Variants in SYNPR observed in about 807,000 individuals in gnomAD.
SYNPR encodes the protein synaptoporin.
Under a neutral mutation model 32.9 loss-of-function variants are expected in SYNPR, and 23 were observed. That is an observed-to-expected ratio of 0.70 (90% confidence interval 0.50 to 0.99). The LOEUF is 0.99. SYNPR is among the 50% of genes least tolerant of loss of function. The pLI, the probability that SYNPR is intolerant of heterozygous loss-of-function variation, is 0.00. For synonymous variants in SYNPR, 146 were observed against 135.9 expected (o/e 1.07, Z -0.52); for missense variants, 318 against 349.3 (o/e 0.91, Z 0.71).
chr3:63,303,413 T>A (rs536808183), intron 2 of SYNPR, among the ~76,000 whole-genome samples: 1 of 151,946 alleles, frequency 6.6e-6, no homozygotes, highest in Non-Finnish European at 1.5e-5. Context: ...CAGGGTATTA[T>A]CTCTAAAATG....
intron 2 of SYNPR, among the ~76,000 whole-genome samples, chr3:63,391,068 A>G (rs1201000306): frequency 6.6e-6 from 1 of 152,182 alleles, no homozygotes; most frequent in African/African-American, 2.4e-5. Context: ...TCATGACTCA[A>G]TTCCTTCTTA....
At chr3:63,501,073 T>A (rs1024309549) in intron 3 of SYNPR, among the ~76,000 whole-genome samples, 19 of 151,280 alleles carry the variant, frequency 1.3e-4, no homozygotes, top group Non-Finnish European at 2.2e-4. Context: ...TAAAAAAAAA[T>A]AGCCATTATT....
intron 2 of SYNPR, among the ~76,000 whole-genome samples, chr3:63,313,610 A>G (rs1374958379): frequency 6.9e-6 from 1 of 143,912 alleles, no homozygotes; most frequent in East Asian, 2.1e-4. Context: ...GTGTGTGTGT[A>G]TACACACACA....
chr3:63,328,924 C>G (rs1272846150), intron 2 of SYNPR, among the ~76,000 whole-genome samples: 1 of 152,142 alleles, frequency 6.6e-6, no homozygotes, highest in African/African-American at 2.4e-5. Flanking sequence ...ATTGAAAAAG[C>G]TGTACACTAG....
chr3:63,280,714 C>T (rs903195693), intron 2 of SYNPR, among the ~76,000 whole-genome samples: 15 of 139,594 alleles, frequency 1.1e-4, no homozygotes, highest in Non-Finnish European at 2.4e-4. Context: ...AGCTCCCCCC[C>T]TTGGGGGAGG....
intron 4 of SYNPR, among the ~76,000 whole-genome samples, chr3:63,584,820 C>T (rs1037839878): frequency 5.3e-5 from 8 of 152,032 alleles, no homozygotes; most frequent in African/African-American, 1.9e-4. Flanking sequence ...CTGGAGTAGA[C>T]TGGGAAGTAT....
Position 63,414,101 on chromosome 3 carries a change from G to A in SYNPR, c.85-66731G>A, listed in dbSNP as rs142202411. Among the ~76,000 whole-genome samples the A allele has an allele frequency of 4.8e-3, 727 of 151,850 alleles. 8 individuals are homozygous for A. The highest frequency in any genetic ancestry group is 0.016 in the African/African-American group (650 of 41,444). The stretch of plus-strand genomic sequence containing the variant: ...TGTTCTTTCTCAGGCAGTAGCTTGG[G>A]TATCTTGATTGACAACCTCTGTTTT... On this transcript the variant is annotated intron_variant, in intron 2 of 5. Coordinates refer to ENST00000478300, the MANE Select transcript of SYNPR (RefSeq NM_001130003.2).
chr3:63,304,402 G>A (rs773523951), intron 2 of SYNPR, among the ~76,000 whole-genome samples: 10 of 151,252 alleles, frequency 6.6e-5, no homozygotes, highest in South Asian at 2.1e-4. Flanking sequence ...TTAAATCACC[G>A]GTCATTTTTA....
intron 1 of SYNPR, among the ~76,000 whole-genome samples, chr3:63,247,773 G>A (rs758283723): frequency 5.3e-4 from 80 of 152,018 alleles, no homozygotes; most frequent in Non-Finnish European, 9.1e-4. Flanking sequence ...CTCTCTCAGC[G>A]AGTCAGCCTA....
intron 2 of SYNPR, among the ~76,000 whole-genome samples, chr3:63,282,974 A>G (rs773908021): frequency 6.6e-6 from 1 of 152,172 alleles, no homozygotes; most frequent in Non-Finnish European, 1.5e-5. Context: ...CACAGAGGGA[A>G]GTGTAGATAT....
chr3:63,385,189 G>A (rs1287578882), intron 2 of SYNPR, among the ~76,000 whole-genome samples: 1 of 152,086 alleles, frequency 6.6e-6, no homozygotes, highest in Non-Finnish European at 1.5e-5. Flanking sequence ...TAAGTCTAAT[G>A]AAGATAATAG....
At chr3:63,596,671 A>G (rs1699965161) in intron 4 of SYNPR, among the ~76,000 whole-genome samples, 1 of 152,140 alleles carries the variant, frequency 6.6e-6, no homozygotes, top group Non-Finnish European at 1.5e-5. Flanking sequence ...GGGACTCTAC[A>G]GGCCAAGAGG....
At chr3:63,281,452 C>T (rs1359087079) in intron 2 of SYNPR, among the ~76,000 whole-genome samples, 1 of 152,164 alleles carries the variant, frequency 6.6e-6, no homozygotes, top group African/African-American at 2.4e-5. Context: ...ATAGCTTATA[C>T]ACAACAGAAA....
At chr3:63,306,601 A>G (rs1445138659) in intron 2 of SYNPR, among the ~76,000 whole-genome samples, 1 of 152,064 alleles carries the variant, frequency 6.6e-6, no homozygotes, top group East Asian at 1.9e-4. Flanking sequence ...GGAGTTCATT[A>G]TAATGATAAA....
At chr3:63,613,535 C>CT (rs1700232033) in intron 5 of SYNPR, among the ~76,000 whole-genome samples, 1 of 133,580 alleles carries the variant, frequency 7.5e-6, no homozygotes, top group South Asian at 2.5e-4. Context: ...AGTTGGGGGC[C>CT]TAGAGTCTTG....
Position 63,494,219 on chromosome 3 carries a change from A to T in SYNPR, c.209+13263A>T, listed in dbSNP as rs146673655. 8.4e-3 allele frequency among the ~76,000 whole-genome samples: 1,277 copies of T among 151,388 alleles called. 21 individuals are homozygous for T. Among genetic ancestry groups the T allele is most frequent in the African/African-American group, 0.029 (1,196 of 41,296 alleles). ...AAACAAAAAACTTGAAAAGAAAGCA[A>T]ATGGTAATTTAAATGTGGTAGTAAT... On this transcript the variant is annotated intron_variant, in intron 3 of 5. Coordinates refer to ENST00000478300, the MANE Select transcript of SYNPR (RefSeq NM_001130003.2).
intron 2 of SYNPR, among the ~76,000 whole-genome samples, chr3:63,312,170 C>G (rs550088173): frequency 1.6e-4 from 24 of 152,074 alleles, no homozygotes; most frequent in Middle Eastern, 3.4e-3. Flanking sequence ...TTAAAAAACA[C>G]TCAACCCTTA....
intron 2 of SYNPR, among the ~76,000 whole-genome samples, chr3:63,283,651 G>A (rs11918081): frequency 0.057 from 6,951 of 122,086 alleles, 265 homozygotes; most frequent in Middle Eastern, 0.1. Context: ...TTGAGACGGA[G>A]TCTCACTCTG....
At position 63,270,949 on chromosome 3, in the gene SYNPR, TCTTC is replaced by T. The variant is rs1318042288; in HGVS notation, n.287+3517_287+3520del. On this transcript the variant is annotated intron_variant and non_coding_transcript_variant, in intron 3 of 4. Transcript: ENST00000478456. ...TCTTTCTTTCCTTCCTTCCTTCTTT[TCTTC>T]CTTCCTTCCTTCCTTCTTTTCTTCC... is the stretch of plus-strand genomic sequence containing the variant. Among the ~76,000 whole-genome samples, 8 of 48,874 alleles carry T rather than the reference TCTTC, an allele frequency of 1.6e-4. No individual in the cohort carries two copies. In the East Asian group the frequency reaches 1.9e-3, roughly 12 times the overall value. 32.1% of individuals were successfully genotyped at this position (48,874 alleles called of 152,430 possible). A position where few individuals can be genotyped will look rare whatever the true frequency, so the allele number is the denominator to read the frequency against.
Sources: allele counts gnomAD v4.1 joint callset (sites outside exome capture counted in the v4.1 genomes callset), GRCh38; gene constraint gnomAD v4.1.1; transcripts MANE v1.5; gene names NCBI Gene and HGNC (gene_info 2026-07-23, HGNC 2026-07-21).